DENND10: variants seen among roughly 807,000 people sequenced by gnomAD.
The protein encoded by DENND10 is DENN domain containing 10.
In DENND10, 24 loss-of-function variants were observed where a neutral mutation model predicts 43.6. The ratio of observed to expected loss-of-function variants is 0.55; its 90% CI spans 0.40 to 0.77. The LOEUF (loss-of-function observed/expected upper bound fraction) is 0.77, where lower values mean the gene tolerates loss of function less well. Among genes scored for constraint, DENND10 ranks in the 30% least tolerant of loss-of-function variants. DENND10 has a pLI of 0.00. For synonymous variants in DENND10, 125 were observed against 157.6 expected, an observed-to-expected ratio of 0.79 and a Z score of 1.55; for missense variants, 303 against 429.9, an observed-to-expected ratio of 0.70 and a Z score of 2.61.
intron 1 of DENND10, chr10:119,104,839 G>C (rs1388212850): frequency 1.3e-5 from 2 of 152,398 alleles, no homozygotes; most frequent in Non-Finnish European, 2.9e-5. Context: ...GGCCCAGGCC[G>C]TCATTGTGCA....
Position 119,137,667 on chromosome 10 carries a change from T to C in DENND10, c.*1020T>C, listed in dbSNP as rs10886401. The stretch of plus-strand genomic sequence containing the variant: ...TAAAGGATTATTTTTCACTCAGTAC[T>C]GATGTCCTTGGAAATCTTACCTGGA... On this transcript the variant is annotated 3_prime_UTR_variant, in exon 9 of 9. Coordinates refer to ENST00000361432, the MANE Select transcript of DENND10 (RefSeq NM_207009.4). 55,646 of 164,560 alleles carry C rather than the reference T, an allele frequency of 0.34. 10,807 individuals are homozygous for C. The highest frequency in any genetic ancestry group is 0.42 in the Non-Finnish European group (28,273 of 67,592). 10.2% of individuals were successfully genotyped at this position (164,560 alleles called of 1,614,324 possible). A position where few individuals can be genotyped will look rare whatever the true frequency, so the allele number is the denominator to read the frequency against.
intron 4 of DENND10, among the ~76,000 whole-genome samples, chr10:119,119,047 C>T (rs1358978404): frequency 6.7e-6 from 1 of 149,052 alleles, no homozygotes; most frequent in African/African-American, 2.5e-5. Flanking sequence ...GAGTTTTGCT[C>T]CAACAAGTGT....
chr10:119,107,872 G>A (rs1461431842), intron 1 of DENND10, 96 bp from the exon 2 acceptor site: 2 of 1,163,594 alleles, frequency 1.7e-6, no homozygotes, highest in Admixed American at 1.7e-5. Flanking sequence ...AAGATGGGAT[G>A]TTAAAACTGA....
Position 119,120,577 on chromosome 10 carries a change from T to C in DENND10, c.593+125T>C, listed in dbSNP as rs553211103. ...ATAGCATGTGGTGAAATACCACCTT[T>C]GGTCTGAAGTTTCTGTTTAGCTCTA... On this transcript the variant is annotated intron_variant, in intron 5 of 8. Transcript: ENST00000361432. 9.0e-6 allele frequency: 6 copies of C among 664,584 alleles called. No homozygotes were observed. The African/African-American group carries it at 1.1e-4, about 12-fold the overall frequency. The allele number at this position is 664,584 out of a possible 1,614,324, so 41.2% of individuals were successfully genotyped here.
At chr10:119,114,326 ACTT>A (rs1156514551) in intron 3 of DENND10, 1 of 152,214 alleles carries the variant, frequency 6.6e-6, no homozygotes, top group Non-Finnish European at 1.5e-5. Flanking sequence ...ATAGGCAAAG[ACTT>A]CTTTTCTTCA....
Position 119,132,676 on chromosome 10 carries a change from G to C in DENND10, c.897+67G>C. ...GTGTCGCTGGGTGGTGTGCGGCAGA[G>C]CTGTGCACATAAGCAGAGTGGGGGG... is the stretch of plus-strand genomic sequence containing the variant. On this transcript the variant is annotated intron_variant, in intron 8 of 8. Transcript: ENST00000361432. The surrounding 1 kb of genome is among the most constrained non-coding windows in gnomAD (Gnocchi z 4.2). 7.6e-7 allele frequency: 1 copy of C among 1,313,474 alleles called. No homozygotes were observed. The highest frequency in any genetic ancestry group is 1.1e-6 in the Non-Finnish European group (1 of 906,026). The allele number at this position is 1,313,474 out of a possible 1,614,324, so 81.4% of individuals were successfully genotyped here.
intron 3 of DENND10, among the ~76,000 whole-genome samples, chr10:119,115,079 G>T (rs1036385717): frequency 2.0e-5 from 3 of 152,042 alleles, no homozygotes; most frequent in African/African-American, 7.2e-5. Flanking sequence ...CTCTATTTTA[G>T]AAAGCTAATG....
intron 1 of DENND10, chr10:119,105,485 ATGT>A: frequency 1.7e-6 from 2 of 1,156,060 alleles, no homozygotes; most frequent in South Asian, 1.5e-5. Flanking sequence ...GGATACCGAC[ATGT>A]TGTCCAGGTG....
At chr10:119,123,347 T>C (rs1845664384) in intron 5 of DENND10, 122 bp from the exon 6 acceptor site, 2 of 676,740 alleles carry the variant, frequency 3.0e-6, no homozygotes, top group Non-Finnish European at 5.2e-6. Flanking sequence ...GTCTCACCTC[T>C]GTCCCTGATT....
intron 8 of DENND10, chr10:119,133,333 G>A (rs1846166858): frequency 6.6e-6 from 1 of 152,414 alleles, no homozygotes; most frequent in Admixed American, 6.6e-5. Context: ...GGGCCCAGAA[G>A]GACTGTCTCC....
intron 3 of DENND10, 146 bp downstream of exon 3, chr10:119,112,074 C>T (rs930184248): frequency 2.0e-5 from 12 of 614,494 alleles, no homozygotes; most frequent in Non-Finnish European, 2.9e-5. Flanking sequence ...ACTGTAAAGA[C>T]GGCCTTTCTC....
At position 119,129,891 on chromosome 10, in the gene DENND10, C is replaced by G. The variant is rs573976051; in HGVS notation, c.802+269C>G. 3.9e-4 allele frequency among the ~76,000 whole-genome samples: 59 copies of G among 152,330 alleles called. 1 individual carries two copies. The highest frequency in any genetic ancestry group is 3.4e-3 in the Middle Eastern group (1 of 294). ...TTTGTGTTTAAACAAGGTGTATTAT[C>G]TACTGCCACATAACAAATCACTTCA... On this transcript the variant is annotated intron_variant, in intron 7 of 8. Coordinates refer to ENST00000361432, the MANE Select transcript of DENND10 (RefSeq NM_207009.4).
intron 6 of DENND10, among the ~76,000 whole-genome samples, chr10:119,128,498 C>T (rs1845931455): frequency 1.3e-5 from 2 of 151,876 alleles, no homozygotes; most frequent in South Asian, 4.1e-4. Flanking sequence ...GTCCCAGCTA[C>T]TCAGGAGGCT....
chr10:119,125,346 G>C (rs1014837916), intron 6 of DENND10, among the ~76,000 whole-genome samples: 1 of 151,610 alleles, frequency 6.6e-6, no homozygotes, highest in Non-Finnish European at 1.5e-5. Flanking sequence ...ATTGTTATGG[G>C]TATATAATAG....
chr10:119,135,507 C>T (rs1290878258), intron 8 of DENND10, among the ~76,000 whole-genome samples: 1 of 152,024 alleles, frequency 6.6e-6, no homozygotes, highest in Non-Finnish European at 1.5e-5. Flanking sequence ...CATGCTATAG[C>T]ATGGATGAAC....
chr10:119,122,723 AG>A (rs1845633707), intron 5 of DENND10, among the ~76,000 whole-genome samples: 1 of 152,164 alleles, frequency 6.6e-6, no homozygotes, highest in Non-Finnish European at 1.5e-5. Flanking sequence ...TCTATGTCTT[AG>A]GGAAACAAAC....
chr10:119,113,681 C>T (rs1249697129), intron 3 of DENND10, among the ~76,000 whole-genome samples: 1 of 43,792 alleles, frequency 2.3e-5, no homozygotes, highest in South Asian at 1.5e-3. Context: ...ATACACACAC[C>T]AAAAGAAGCA....
chr10:119,136,151 C>G (rs560737412), intron 8 of DENND10, among the ~76,000 whole-genome samples: 3 of 152,282 alleles, frequency 2.0e-5, no homozygotes, highest in African/African-American at 7.2e-5. Context: ...GCACTGCAAC[C>G]TGGGTAACAG....
At chr10:119,113,689 G>GC (rs1554878925) in intron 3 of DENND10, among the ~76,000 whole-genome samples, 1 of 25,096 alleles carries the variant, frequency 4.0e-5, no homozygotes, top group Non-Finnish European at 1.6e-4. Flanking sequence ...ACCAAAAGAA[G>GC]CAAAAAAAAA....
Sources: gnomAD v4.1 joint callset for allele counts (sites outside exome capture counted in the v4.1 genomes callset) on GRCh38, gnomAD v4.1.1 for gene constraint, Gnocchi (gnomAD v3.1) non-coding constraint, MANE v1.5 for transcripts, NCBI Gene and HGNC (gene_info 2026-07-23, HGNC 2026-07-21) for gene names.